Variants in PITRM1 observed in about 807,000 individuals in gnomAD.
PITRM1 encodes pitrilysin metallopeptidase 1.
Under a neutral mutation model 129.9 loss-of-function variants are expected in PITRM1, and 100 were observed. The observed-to-expected ratio is 0.77, with a 90% CI of 0.65 to 0.91. The LOEUF is 0.91. PITRM1 is among the 40% of genes least tolerant of loss of function. PITRM1 has a pLI of 0.00. For synonymous variants in PITRM1, 591 were observed against 508.8 expected, an observed-to-expected ratio of 1.16 and a Z score of -2.17; for missense variants, 1,471 against 1,318.3, an observed-to-expected ratio of 1.12 and a Z score of -1.79.
chr10:3,153,641 CAA>C (rs113258036), intron 14 of PITRM1, among the ~76,000 whole-genome samples: 2 of 150,170 alleles, frequency 1.3e-5, no homozygotes, highest in Non-Finnish European at 3.0e-5. Flanking sequence ...AAAAAAACAA[CAA>C]AAAAAAACCA....
chr10:3,169,872 T>C (rs1487414837), intron 2 of PITRM1, among the ~76,000 whole-genome samples: 2 of 152,198 alleles, frequency 1.3e-5, no homozygotes, highest in Non-Finnish European at 2.9e-5. Flanking sequence ...AGTGTTACTC[T>C]CTAAAATCTC....
rs1427255662 is a variant in PITRM1 at position 3,147,154 on chromosome 10, T to C, written c.2332A>G (p.Met778Val). Residue 778 changes from methionine (M) to valine (V), a missense_variant, in exon 20 of 27, where the codon ATG becomes GTG. Met to Val is a conservative substitution (Grantham distance 21). Transcript: ENST00000224949. The stretch of plus-strand genomic sequence containing the variant: ...AGAAACAAATCACACATGCACCTCA[T>C]ATTATCACCATTTAACAAGTGTTTC... ...IKKHLLNGDNMRCSVNATPQQ... is the reference protein window; with the variant it reads ...IKKHLLNGDNVRCSVNATPQQ... The C allele has an allele frequency of 5.4e-6, 8 of 1,490,852 alleles. No individual in the cohort carries two copies. The Admixed American group carries it at 1.0e-4, about 19-fold the overall frequency. 92.4% of individuals were successfully genotyped at this position (1,490,852 alleles called of 1,614,324 possible).
chr10:3,170,783 G>T (rs1843264295), intron 1 of PITRM1, among the ~76,000 whole-genome samples: 1 of 152,048 alleles, frequency 6.6e-6, no homozygotes, highest in African/African-American at 2.4e-5. Context: ...ATCACCTGAG[G>T]TCAGGAGTTC....
At chr10:3,138,375 CG>C in intron 25 of PITRM1, 38 bp from the exon 26 acceptor site, 1 of 1,411,306 alleles carries the variant, frequency 7.1e-7, no homozygotes. Context: ...AGCCGCTGCC[CG>C]GGAGCTCGCG....
intron 2 of PITRM1, among the ~76,000 whole-genome samples, chr10:3,167,582 T>C (rs1295095116): frequency 6.6e-6 from 1 of 152,102 alleles, no homozygotes; most frequent in Non-Finnish European, 1.5e-5. Context: ...CTGCTGAGTG[T>C]CTCCTGCTTT....
chr10:3,145,520 T>A, intron 21 of PITRM1, 76 bp downstream of exon 21: 1 of 1,262,912 alleles, frequency 7.9e-7, no homozygotes, highest in Non-Finnish European at 1.1e-6. Context: ...GAGAATTGAG[T>A]TAATGCGTGT....
intron 1 of PITRM1, 63 bp from the exon 2 acceptor site, chr10:3,170,269 G>A: frequency 8.4e-7 from 1 of 1,190,942 alleles, no homozygotes; most frequent in Middle Eastern, 1.9e-4. Context: ...ACATTATTCA[G>A]CCACATAGTG....
At chr10:3,142,928 G>GA (rs1234112065) in intron 23 of PITRM1, 4 of 158,062 alleles carry the variant, frequency 2.5e-5, no homozygotes, top group Admixed American at 6.2e-5. Context: ...TTCTCCTGCA[G>GA]CCCCCATGGC....
intron 7 of PITRM1, among the ~76,000 whole-genome samples, chr10:3,162,260 G>A (rs545684213): frequency 6.6e-6 from 1 of 151,942 alleles, no homozygotes; most frequent in South Asian, 2.1e-4. Context: ...AGGGAGAGCA[G>A]CCGGCCCTGC....
chr10:3,160,347 A>C lies in PITRM1; in HGVS notation c.792-17T>G. 1 of 1,587,710 alleles carries C rather than the reference A, an allele frequency of 6.3e-7. No homozygotes were observed. The highest frequency in any genetic ancestry group is 1.1e-5 in the South Asian group (1 of 90,450). ...GTGAAGAACCTAAAATTTTAAGGGA[A>C]TATAATTAGTCTGTTTTAGTTTAAA... On this transcript the variant is annotated splice_polypyrimidine_tract_variant and intron_variant, in intron 7 of 26. Coordinates refer to ENST00000224949, the MANE Select transcript of PITRM1 (RefSeq NM_014889.4).
chr10:3,152,663 T>C (rs757282506), intron 14 of PITRM1, among the ~76,000 whole-genome samples: 4 of 152,240 alleles, frequency 2.6e-5, no homozygotes, highest in Non-Finnish European at 5.9e-5. Flanking sequence ...AGGCTTCCCC[T>C]GCCTGCTTGC....
chr10:3,165,598 C>A, intron 4 of PITRM1, 71 bp from the exon 5 acceptor site: 1 of 923,528 alleles, frequency 1.1e-6, no homozygotes, highest in Non-Finnish European at 1.7e-6. Context: ...TCTCAAGACT[C>A]ATTCCCCCTT....
intron 23 of PITRM1, chr10:3,141,635 G>A (rs765968618): frequency 6.4e-6 from 3 of 469,656 alleles, no homozygotes; most frequent in South Asian, 4.7e-5. Context: ...ACAGAAGGCG[G>A]GGCAGACAAT....
chr10:3,172,181 CCTTAT>C (rs1564446236), intron 1 of PITRM1: 12 of 456,596 alleles, frequency 2.6e-5, no homozygotes, highest in South Asian at 1.2e-4. Context: ...TGAACTATTA[CCTTAT>C]ATTAAACACG....
At chr10:3,150,673 G>A (rs1841433397) in intron 15 of PITRM1, among the ~76,000 whole-genome samples, 1 of 152,148 alleles carries the variant, frequency 6.6e-6, no homozygotes, top group Non-Finnish European at 1.5e-5. Context: ...GAGAAAGGGG[G>A]CACCCTGAGA....
At chr10:3,160,765 G>GT (rs111822712) in intron 7 of PITRM1, among the ~76,000 whole-genome samples, 15,313 of 147,402 alleles carry the variant, frequency 0.1, 943 homozygotes, top group African/African-American at 0.14. Context: ...TTTGGTGGGG[G>GT]GTTTTTTTTT....
At chr10:3,172,801 GA>G (rs1158410704), upstream of PITRM1, 1 of 1,471,784 alleles carries the variant, frequency 6.8e-7, no homozygotes, top group Admixed American at 2.3e-5. Flanking sequence ...GGCTGGCGAG[GA>G]ACCCCCTCTT....
intron 2 of PITRM1, among the ~76,000 whole-genome samples, chr10:3,167,670 G>C (rs1369462198): frequency 6.6e-6 from 1 of 152,186 alleles, no homozygotes; most frequent in Non-Finnish European, 1.5e-5. Flanking sequence ...CTGCGCCTCA[G>C]TAACACAGCA....
chr10:3,156,948 T>C lies in PITRM1; in HGVS notation c.1464A>G (p.Lys488=), dbSNP rs778480456. The C allele has an allele frequency of 2.5e-6, 4 of 1,578,868 alleles. No individual in the cohort carries two copies. Among genetic ancestry groups the C allele is most frequent in the Non-Finnish European group, 3.4e-6 (4 of 1,165,364 alleles). The change falls in exon 13 of 27, where the codon AAA becomes AAG. Residue 488 remains lysine, a synonymous_variant. Coordinates refer to ENST00000224949, the MANE Select transcript of PITRM1 (RefSeq NM_014889.4). ...LQENPKFLQE[K]VKQYFKNNQH... is the part of the protein sequence containing the mutation. ...TTCTTACCTTAAAATACTGTTTTACTTTTTCTTGCAAAAATTTTGGATTTT... is the reference window on the plus strand; with the variant it reads ...TTCTTACCTTAAAATACTGTTTTACCTTTTCTTGCAAAAATTTTGGATTTT...
Sources: allele counts gnomAD v4.1 joint callset (sites outside exome capture counted in the v4.1 genomes callset), GRCh38; gene constraint gnomAD v4.1.1; transcripts MANE v1.5; gene names NCBI Gene and HGNC (gene_info 2026-07-23, HGNC 2026-07-21).